Variants in PFKFB3 observed in about 807,000 individuals in gnomAD.
PFKFB3 encodes the protein 6-phosphofructo-2-kinase/fructose-2,6-bisphosphatase 3.
A neutral mutation model predicts 68.0 loss-of-function variants in PFKFB3; 33 were observed. The observed-to-expected ratio is 0.49, with a 90% CI of 0.37 to 0.65. The LOEUF (loss-of-function observed/expected upper bound fraction) is 0.65, where lower values mean the gene tolerates loss of function less well. PFKFB3 is among the 30% of genes least tolerant of loss of function. The pLI is 0.00. For missense variants in PFKFB3, 586 were observed against 712.2 expected, an observed-to-expected ratio of 0.82 and a Z score of 2.02; for synonymous variants, 315 against 288.2, an observed-to-expected ratio of 1.09 and a Z score of -0.94.
the PFKFB3 span, among the ~76,000 whole-genome samples, chr10:6,267,954 C>CAAAAAAAAA: frequency 1.0e-4 from 9 of 85,876 alleles, no homozygotes; most frequent in Admixed American, 3.0e-4. Context: ...GACCCTATCT[C>CAAAAAAAAA]AAAAAAAAAA....
intron 1 of PFKFB3, among the ~76,000 whole-genome samples, chr10:6,156,923 C>G (rs117978095): frequency 0.011 from 1,635 of 151,512 alleles, 66 homozygotes; most frequent in East Asian, 0.096. Flanking sequence ...AAACCCTCTT[C>G]TCTACTAAAA....
At chr10:6,245,379 G>A (rs928823921) in intron 14 of PFKFB3, among the ~76,000 whole-genome samples, 5 of 150,582 alleles carry the variant, frequency 3.3e-5, no homozygotes, top group Non-Finnish European at 7.4e-5. Flanking sequence ...ACTGGCATGA[G>A]CTACTGCACC....
chr10:6,216,079 CG>C (rs774793354), intron 3 of PFKFB3, 45 bp from the exon 4 acceptor site: 1 of 1,567,322 alleles, frequency 6.4e-7, no homozygotes, highest in Non-Finnish European at 8.8e-7. Flanking sequence ...GCTGCCCCAG[CG>C]GATGCACCGG....
chr10:6,148,721 T>C lies in PFKFB3; in HGVS notation c.16+3708T>C, dbSNP rs184577758. 9.9e-5 allele frequency among the ~76,000 whole-genome samples: 15 copies of C among 152,252 alleles called. No homozygotes were observed. In the South Asian group the frequency reaches 1.2e-3, roughly 13 times the overall value. ...AAAGTCATGCATATCATGACTAACTTTGGGAACCACAATGGAGGGACGCTG... is the reference window on the plus strand; with the variant it reads ...AAAGTCATGCATATCATGACTAACTCTGGGAACCACAATGGAGGGACGCTG... On this transcript the variant is annotated intron_variant, in intron 1 of 14. Transcript: ENST00000379789.
chr10:6,268,539 C>T, the PFKFB3 span, among the ~76,000 whole-genome samples: 1 of 151,996 alleles, frequency 6.6e-6, no homozygotes, highest in Non-Finnish European at 1.5e-5. Flanking sequence ...GCAGGAGAAT[C>T]ACTCGAACGC....
At chr10:6,299,135 G>A in the PFKFB3 span, among the ~76,000 whole-genome samples, 3 of 152,314 alleles carry the variant, frequency 2.0e-5, no homozygotes, top group East Asian at 1.9e-4. Context: ...GGTCTTGATA[G>A]CGCTGTGGTT....
chr10:6,219,187 C>A (rs1485475330), intron 6 of PFKFB3, among the ~76,000 whole-genome samples: 1 of 152,252 alleles, frequency 6.6e-6, no homozygotes, highest in African/African-American at 2.4e-5. Flanking sequence ...GAACCAGCAG[C>A]CTCCTCCCGG....
At chr10:6,195,995 C>T (rs1029871137) in intron 1 of PFKFB3, among the ~76,000 whole-genome samples, 2 of 152,186 alleles carry the variant, frequency 1.3e-5, no homozygotes, top group Admixed American at 1.3e-4. Flanking sequence ...TTTCCAGAAT[C>T]AAGCTTTCTG....
chr10:6,325,592 G>T, the PFKFB3 span, among the ~76,000 whole-genome samples: 5 of 152,128 alleles, frequency 3.3e-5, no homozygotes, highest in Non-Finnish European at 5.9e-5. Flanking sequence ...ATGTAATTTT[G>T]CCTTTCATGG....
chr10:6,325,672 T>A, the PFKFB3 span, among the ~76,000 whole-genome samples: 2 of 152,228 alleles, frequency 1.3e-5, no homozygotes, highest in African/African-American at 4.8e-5. Context: ...GAGTTACAAT[T>A]AAAATACTGT....
chr10:6,285,491 C>A, the PFKFB3 span, among the ~76,000 whole-genome samples: 1 of 152,176 alleles, frequency 6.6e-6, no homozygotes, highest in Non-Finnish European at 1.5e-5. Flanking sequence ...CCTCAGCCTT[C>A]CAAAGTGCTG....
At chr10:6,300,212 T>C in the PFKFB3 span, among the ~76,000 whole-genome samples, 6 of 152,140 alleles carry the variant, frequency 3.9e-5, no homozygotes, top group East Asian at 1.2e-3. Context: ...TCTCACATTC[T>C]TTAAAGCCTC....
chr10:6,205,208 T>A (rs59527811), intron 1 of PFKFB3, among the ~76,000 whole-genome samples: 1 of 152,028 alleles, frequency 6.6e-6, no homozygotes. Flanking sequence ...TGTAAAAAGA[T>A]CCGCAGCCTG....
At chr10:6,303,622 G>C in the PFKFB3 span, among the ~76,000 whole-genome samples, 1 of 151,906 alleles carries the variant, frequency 6.6e-6, no homozygotes. Context: ...AGACCACCCT[G>C]GCCAACATAG....
At chr10:6,279,053 C>T in the PFKFB3 span, among the ~76,000 whole-genome samples, 1 of 152,222 alleles carries the variant, frequency 6.6e-6, no homozygotes, top group Non-Finnish European at 1.5e-5. Flanking sequence ...AGCAATTGCT[C>T]ACTAACCTTC....
At position 6,151,893 on chromosome 10, in the gene PFKFB3, G is replaced by A. The variant is rs1012458715; in HGVS notation, c.16+6880G>A. 1.1e-4 allele frequency among the ~76,000 whole-genome samples: 17 copies of A among 152,026 alleles called. No individual in the cohort carries two copies. In the South Asian group the frequency reaches 3.1e-3, roughly 28 times the overall value. The stretch of plus-strand genomic sequence containing the variant: ...GGCACTGGCTCACAGCCGTGGTGGG[G>A]ACGCCTTGTTTCTCGGAAGGACAGA... On this transcript the variant is annotated intron_variant, in intron 1 of 14. Transcript: ENST00000379789.
the PFKFB3 span, among the ~76,000 whole-genome samples, chr10:6,270,006 C>T: frequency 8.7e-4 from 132 of 152,092 alleles, 1 homozygote; most frequent in East Asian, 0.021. Context: ...GTGGTGTGCA[C>T]GTGTAGTCCC....
intron 14 of PFKFB3, chr10:6,231,390 T>G: frequency 6.2e-7 from 1 of 1,603,736 alleles, no homozygotes; most frequent in Non-Finnish European, 8.5e-7. Context: ...CTGGCCATCG[T>G]GCAATGCGGG....
chr10:6,144,926 G>C, upstream of PFKFB3: 1 of 1,169,756 alleles, frequency 8.5e-7, no homozygotes, highest in Non-Finnish European at 1.1e-6. Context: ...GCCCCGAGTC[G>C]CGGGGCTGCC....
Sources: gnomAD v4.1 joint callset for allele counts (sites outside exome capture counted in the v4.1 genomes callset) on GRCh38, gnomAD v4.1.1 for gene constraint, MANE v1.5 for transcripts, NCBI Gene and HGNC (gene_info 2026-07-23, HGNC 2026-07-21) for gene names.